The following DOCK2 variants were observed in gnomAD, a reference collection of about 807,000 sequenced individuals.
The protein encoded by DOCK2 is dedicator of cytokinesis protein 2.
A neutral mutation model predicts 248.9 loss-of-function variants in DOCK2; 87 were observed. The observed-to-expected ratio is 0.35, with a 90% CI of 0.29 to 0.42. DOCK2 has a LOEUF of 0.42. DOCK2 is among the 10% of genes least tolerant of loss of function. The pLI is 1.00. For synonymous variants in DOCK2, 805 were observed against 821.6 expected (o/e 0.98, Z 0.35); for missense variants, 1,747 against 2,300.2 (o/e 0.76, Z 4.92).
intron 27 of DOCK2, among the ~76,000 whole-genome samples, chr5:169,843,737 C>A (rs1770136992): frequency 6.6e-6 from 1 of 152,160 alleles, no homozygotes. Flanking sequence ...CCTAAGCAAC[C>A]ATTAATCTAC....
At chr5:169,670,936 G>A (rs2306565) in intron 4 of DOCK2, 142 bp from the exon 5 acceptor site, 400,278 of 656,086 alleles carry the variant, frequency 0.61, 123,608 homozygotes, top group South Asian at 0.72. Flanking sequence ...GCATAATGTA[G>A]TTGGTGTGGC....
At chr5:169,691,504 T>C (rs947774983) in intron 9 of DOCK2, among the ~76,000 whole-genome samples, 13 of 152,106 alleles carry the variant, frequency 8.5e-5, no homozygotes, top group African/African-American at 3.1e-4. Context: ...TGCAGTGGGG[T>C]TAAATTCAGA....
At chr5:169,800,692 G>A (rs1029421986) in intron 25 of DOCK2, among the ~76,000 whole-genome samples, 3 of 152,072 alleles carry the variant, frequency 2.0e-5, no homozygotes, top group Non-Finnish European at 4.4e-5. Flanking sequence ...GGACTCTTTG[G>A]TTTCAAGCAA....
At position 170,041,158 on chromosome 5, in the gene DOCK2, T is replaced by A; in HGVS notation, c.3756+13T>A. 1 of 1,608,478 alleles carries A rather than the reference T, an allele frequency of 6.2e-7. No individual in the cohort carries two copies. Among genetic ancestry groups the A allele is most frequent in the East Asian group, 2.2e-5 (1 of 44,840 alleles). ...CTGGCTTCTCAAGGTACAGTCACTT[T>A]GGGTGAAGGGCATTTATGCTGGGAT... On this transcript the variant is annotated intron_variant, in intron 37 of 51. Transcript: ENST00000520908.
At chr5:169,752,784 C>T (rs1381645317) in intron 23 of DOCK2, among the ~76,000 whole-genome samples, 2 of 151,274 alleles carry the variant, frequency 1.3e-5, no homozygotes, top group Non-Finnish European at 3.0e-5. Context: ...TAAATAAATA[C>T]TGCCGGGCGC....
intron 27 of DOCK2, among the ~76,000 whole-genome samples, chr5:169,880,994 G>A (rs1772609452): frequency 6.6e-6 from 1 of 152,180 alleles, no homozygotes; most frequent in Non-Finnish European, 1.5e-5. Context: ...TCACAGGTTT[G>A]GGATTTGAAA....
At position 169,702,376 on chromosome 5, in the gene DOCK2, G is replaced by C. The variant is rs763200371; in HGVS notation, c.1332G>C (p.Arg444Ser). 1 of 1,613,980 alleles carries C rather than the reference G, an allele frequency of 6.2e-7. No individual in the cohort carries two copies. Among genetic ancestry groups the C allele is most frequent in the Non-Finnish European group, 8.5e-7 (1 of 1,179,916 alleles). ...ACAAGTACAACAAGACCACACAGAG[G>C]AATGTGGAAGTCATCATGTGTGTGT... ...DFDKYNKTTQ[R>S]NVEVIMCVCA... The change falls in exon 14 of 52, where the codon AGG becomes AGC. Residue 444 changes from arginine to serine, a missense_variant. This residue lies in a region of DOCK2 where 858 missense variants were observed against 1,183.5 expected (regional missense o/e 0.72). Transcript: ENST00000520908.
intron 25 of DOCK2, among the ~76,000 whole-genome samples, chr5:169,762,874 T>C (rs1282349632): frequency 6.6e-6 from 1 of 152,226 alleles, no homozygotes; most frequent in African/African-American, 2.4e-5. Flanking sequence ...AGCCTGAATA[T>C]TTATGCAAAT....
intron 27 of DOCK2, among the ~76,000 whole-genome samples, chr5:169,931,253 G>A (rs1324591402): frequency 2.0e-5 from 3 of 152,222 alleles, no homozygotes; most frequent in African/African-American, 4.8e-5. Context: ...CCAGGAGAGT[G>A]AGGAAGGCTT....
chr5:169,795,884 C>T (rs913805762), intron 25 of DOCK2, among the ~76,000 whole-genome samples: 9 of 152,290 alleles, frequency 5.9e-5, no homozygotes, highest in African/African-American at 1.9e-4. Context: ...TAGCATCCCC[C>T]GCCCCTTCCC....
At chr5:169,655,674 G>A (rs1758068714) in intron 2 of DOCK2, among the ~76,000 whole-genome samples, 1 of 152,066 alleles carries the variant, frequency 6.6e-6, no homozygotes, top group Non-Finnish European at 1.5e-5. Context: ...GGATGCTTGT[G>A]TAAACACATA....
At chr5:169,735,555 C>T (rs1317065421) in intron 22 of DOCK2, among the ~76,000 whole-genome samples, 3 of 152,186 alleles carry the variant, frequency 2.0e-5, no homozygotes, top group African/African-American at 7.2e-5. Flanking sequence ...GTTTGAAGTA[C>T]ATATCACAGT....
chr5:169,789,213 C>G (rs1242310868), intron 25 of DOCK2, among the ~76,000 whole-genome samples: 1 of 152,180 alleles, frequency 6.6e-6, no homozygotes, highest in African/African-American at 2.4e-5. Context: ...ACATAGTATT[C>G]CATGGTGTAT....
chr5:170,028,971 T>C (rs13162884), intron 34 of DOCK2, among the ~76,000 whole-genome samples: 62,017 of 152,082 alleles, frequency 0.41, 13,432 homozygotes, highest in East Asian at 0.58. Flanking sequence ...TGTTTATTCA[T>C]CTCTCAGTTA....
rs569475138 is a variant in DOCK2, at chr5:169,953,061, T to C, written c.2800-30007T>C. 2.6e-5 allele frequency among the ~76,000 whole-genome samples: 4 copies of C among 152,162 alleles called. No individual in the cohort carries two copies. The South Asian group carries it at 6.2e-4, about 24-fold the overall frequency. ...ATTTGGGGCCAGGCACGGTGGCTCA[T>C]ACCTGTAATCCCAGCACTTTGGGAG... On this transcript the variant is annotated intron_variant, in intron 27 of 51. Coordinates refer to ENST00000520908, the MANE Select transcript of DOCK2 (RefSeq NM_004946.3).
intron 27 of DOCK2, among the ~76,000 whole-genome samples, chr5:169,918,790 G>T (rs1775018437): frequency 6.6e-6 from 1 of 152,164 alleles, no homozygotes; most frequent in Non-Finnish European, 1.5e-5. Context: ...GCAGGTACCA[G>T]TAATCCCAGC....
intron 1 of DOCK2, among the ~76,000 whole-genome samples, chr5:169,641,800 A>T (rs114432557): frequency 2.8e-4 from 42 of 152,204 alleles, no homozygotes; most frequent in African/African-American, 9.9e-4. Context: ...TGGCCCCAGC[A>T]TGCAACCCAC....
intron 30 of DOCK2, among the ~76,000 whole-genome samples, 158 bp downstream of exon 30, chr5:169,996,322 G>A (rs1176347718): frequency 4.6e-5 from 7 of 152,176 alleles, no homozygotes; most frequent in Admixed American, 4.6e-4. Flanking sequence ...AAAATTCTCA[G>A]GCTTTCAACC....
intron 9 of DOCK2, among the ~76,000 whole-genome samples, chr5:169,691,863 AT>A (rs10535818): frequency 0.31 from 44,845 of 145,404 alleles, 10,380 homozygotes; most frequent in African/African-American, 0.65. Flanking sequence ...ATTTTTATTT[AT>A]TTTTTTTTTT....
Sources: allele counts gnomAD v4.1 joint callset (sites outside exome capture counted in the v4.1 genomes callset), GRCh38; gene constraint gnomAD v4.1.1; regional missense constraint gnomAD v4.1.1; transcripts MANE v1.5; gene names NCBI Gene and HGNC (gene_info 2026-07-23, HGNC 2026-07-21).